Variants in CYFIP2 observed in about 807,000 individuals in gnomAD.
CYFIP2 encodes cytoplasmic FMR1 interacting protein 2, also known as cytoplasmic FMR1-interacting protein 2.
CYFIP2 carries 29 observed loss-of-function variants against 158.7 expected under a neutral mutation model. The observed-to-expected ratio is 0.18, with a 90% CI of 0.14 to 0.25. The LOEUF (loss-of-function observed/expected upper bound fraction) is 0.25, where lower values mean the gene tolerates loss of function less well. Ranked by LOEUF, CYFIP2 falls within the 10% of genes least tolerant of loss-of-function variation. The pLI is 1.00. For synonymous variants in CYFIP2, 585 were observed against 617.6 expected (o/e 0.95, Z 0.78); for missense variants, 852 against 1,639.5 (o/e 0.52, Z 8.29).
rs746241228 is a variant in CYFIP2, at chr5:157,319,875, G to A, written c.1470G>A (p.Thr490=). Reference sequence around the variant, plus strand: ...CATTGCAGGACTTCGCCCAGGTGACGCTGCGTGAGCCCCTGCGGCAGGCGG... The same window carrying A: ...CATTGCAGGACTTCGCCCAGGTGACACTGCGTGAGCCCCTGCGGCAGGCGG... ...YAALQDFAQV[T]LREPLRQAVR... is the part of the protein sequence containing the mutation. The change falls in exon 14 of 31, where the codon ACG becomes ACA. Residue 490 remains threonine (T), a synonymous_variant. Coordinates refer to ENST00000620254, the MANE Select transcript of CYFIP2 (RefSeq NM_001037333.3). 2.3e-5 allele frequency: 37 copies of A among 1,613,936 alleles called. No homozygotes were observed. The highest frequency in any genetic ancestry group is 1.6e-4 in the Middle Eastern group (1 of 6,084).
intron 11 of CYFIP2, among the ~76,000 whole-genome samples, chr5:157,314,084 T>C (rs906704239): frequency 6.6e-5 from 10 of 152,118 alleles, no homozygotes; most frequent in African/African-American, 2.2e-4. Flanking sequence ...GAAAAACATA[T>C]TGGTGCATAC....
chr5:157,377,690 C>G (rs1037013921), intron 26 of CYFIP2, among the ~76,000 whole-genome samples: 1 of 152,224 alleles, frequency 6.6e-6, no homozygotes, highest in Non-Finnish European at 1.5e-5. Flanking sequence ...AGGCTCTATT[C>G]AAGTCAGAAT....
chr5:157,286,380 A>G (rs991155544), intron 2 of CYFIP2, among the ~76,000 whole-genome samples: 1 of 149,708 alleles, frequency 6.7e-6, no homozygotes, highest in African/African-American at 2.4e-5. Context: ...ATATATACAT[A>G]TATTTTTTTT....
intron 26 of CYFIP2, chr5:157,365,304 G>A (rs1026700689): frequency 6.6e-6 from 1 of 152,114 alleles, no homozygotes; most frequent in Non-Finnish European, 1.5e-5. Context: ...GAAATCTCTT[G>A]CCCATTTTAC....
At position 157,394,734 on chromosome 5, in the gene CYFIP2, A is replaced by G. The variant is rs935085400; in HGVS notation, c.*1734A>G. ...CTACCACTAAGCCATGAAAGAAAAT[A>G]CATCATACAGGGAAGAGAGAAGGGA... On this transcript the variant is annotated 3_prime_UTR_variant, in exon 31 of 31. Coordinates refer to ENST00000620254, the MANE Select transcript of CYFIP2 (RefSeq NM_001037333.3). The G allele has an allele frequency of 2.6e-5, 4 of 152,250 alleles. No homozygotes were observed. Among genetic ancestry groups the G allele is most frequent in the African/African-American group, 9.6e-5 (4 of 41,458 alleles). The allele number at this position is 152,250 out of a possible 1,614,324, so 9.4% of individuals were successfully genotyped here.
intron 5 of CYFIP2, among the ~76,000 whole-genome samples, 162 bp from the exon 6 acceptor site, chr5:157,300,550 GAAA>G (rs886442522): frequency 7.0e-6 from 1 of 142,206 alleles, no homozygotes; most frequent in Non-Finnish European, 1.5e-5. Flanking sequence ...AAAAAAAAAA[GAAA>G]AAAAGAAATT....
At chr5:157,273,889 C>T (rs1387234242) in intron 1 of CYFIP2, among the ~76,000 whole-genome samples, 2 of 151,996 alleles carry the variant, frequency 1.3e-5, no homozygotes, top group African/African-American at 4.8e-5. Context: ...AACCCCAGCA[C>T]TTTGGGAGGT....
At chr5:157,323,826 G>C (rs199655463) in intron 15 of CYFIP2, 95 bp from the exon 16 acceptor site, 1 of 1,043,264 alleles carries the variant, frequency 9.6e-7, no homozygotes, top group Non-Finnish European at 1.3e-6. Context: ...GACATCTGCA[G>C]AAAAAAAAAA....
At chr5:157,384,697 T>C (rs1015117264) in intron 28 of CYFIP2, 2 of 352,460 alleles carry the variant, frequency 5.7e-6, no homozygotes, top group Non-Finnish European at 1.1e-5. Flanking sequence ...CCCAGCACTT[T>C]GGAAGGCCGA....
chr5:157,294,845 C>G lies in CYFIP2; in HGVS notation c.270C>G (p.Ser90=). Residue 90 remains serine, a synonymous_variant, in exon 4 of 31, where the codon TCC becomes TCG. Transcript: ENST00000620254. The part of the protein sequence containing the change: ...AVMLYTWRSC[S]RAIPQVKCNE... Reference sequence around the variant, plus strand: ...TGCTGTACACCTGGCGCAGCTGTTCCCGGGCCATTCCCCAGGTGAGACTGT... The same window carrying G: ...TGCTGTACACCTGGCGCAGCTGTTCGCGGGCCATTCCCCAGGTGAGACTGT... 1 of 1,613,502 alleles carries G rather than the reference C, an allele frequency of 6.2e-7. No individual in the cohort carries two copies. Among genetic ancestry groups the G allele is most frequent in the South Asian group, 1.1e-5 (1 of 91,036 alleles).
intron 10 of CYFIP2, among the ~76,000 whole-genome samples, chr5:157,310,697 T>C (rs746503202): frequency 9.2e-5 from 14 of 152,144 alleles, no homozygotes; most frequent in Admixed American, 1.3e-4. Flanking sequence ...GCTAGGGAAG[T>C]GACTGGGGTT....
chr5:157,382,478 C>A, intron 26 of CYFIP2, 112 bp from the exon 27 acceptor site: 1 of 1,107,424 alleles, frequency 9.0e-7, no homozygotes, highest in Non-Finnish European at 1.3e-6. Context: ...GTAGAAGAGC[C>A]AGGATTTGAA....
chr5:157,377,080 T>G, intron 26 of CYFIP2: 2 of 312,936 alleles, frequency 6.4e-6, no homozygotes, highest in Non-Finnish European at 6.5e-6. Context: ...TCTATCTCCT[T>G]TGCCGCTACT....
chr5:157,299,897 C>T (rs1758596958), intron 5 of CYFIP2, among the ~76,000 whole-genome samples: 1 of 152,098 alleles, frequency 6.6e-6, no homozygotes, highest in Non-Finnish European at 1.5e-5. Context: ...GAAACTCCAT[C>T]TCAAAACAAA....
chr5:157,392,739 A>G (rs542246599), intron 30 of CYFIP2, 94 bp from the exon 31 acceptor site: 121 of 1,351,500 alleles, frequency 9.0e-5, no homozygotes, highest in East Asian at 3.9e-4. Context: ...TCACTGATGC[A>G]GGGGACCCTG....
intron 26 of CYFIP2, chr5:157,363,279 ATC>A (rs1246206243): frequency 6.6e-6 from 1 of 152,236 alleles, no homozygotes; most frequent in African/African-American, 2.4e-5. Context: ...CCTAGTGGGA[ATC>A]TCTTTTAGCA....
rs1351468674 is a variant in CYFIP2 at position 157,266,845 on chromosome 5, G to A, written c.-24+650G>A. ...TGCGGGCACGGTGGAAGTGGGGGAA[G>A]GGGATGAGTGGGCTGACTCCTGGGG... On this transcript the variant is annotated intron_variant, in intron 1 of 30. Transcript: ENST00000620254. This position sits in a 1 kb window ranked among gnomAD's most constrained non-coding sequence, Gnocchi z 4.2. 2 of 152,986 alleles carry A rather than the reference G, an allele frequency of 1.3e-5. No individual in the cohort carries two copies. The allele number at this position is 152,986 out of a possible 1,614,324, so 9.5% of individuals were successfully genotyped here. A position where few individuals can be genotyped will look rare whatever the true frequency, so the allele number is the denominator to read the frequency against.
chr5:157,312,760 C>G (rs1759841129), intron 11 of CYFIP2, among the ~76,000 whole-genome samples: 1 of 152,240 alleles, frequency 6.6e-6, no homozygotes, highest in Non-Finnish European at 1.5e-5. Flanking sequence ...TTGTGGCCCA[C>G]AGGGACCAAG....
At chr5:157,299,233 C>T (rs1283349468) in intron 5 of CYFIP2, among the ~76,000 whole-genome samples, 1 of 152,076 alleles carries the variant, frequency 6.6e-6, no homozygotes, top group East Asian at 1.9e-4. Context: ...CAGAACCTCC[C>T]ATGTCTCCCC....
Sources: allele counts gnomAD v4.1 joint callset (sites outside exome capture counted in the v4.1 genomes callset), GRCh38; gene constraint gnomAD v4.1.1; non-coding constraint Gnocchi (gnomAD v3.1); transcripts MANE v1.5; gene names NCBI Gene and HGNC (gene_info 2026-07-23, HGNC 2026-07-21).